METTL21C: variants seen among roughly 807,000 people sequenced by gnomAD.
The protein encoded by METTL21C is methyltransferase 21C, AARS1 lysine, also known as protein-lysine methyltransferase METTL21C.
Under a neutral mutation model 25.9 loss-of-function variants are expected in METTL21C, and 21 were observed. The observed-to-expected ratio is 0.81, with a 90% CI of 0.58 to 1.17. METTL21C has a LOEUF of 1.17. Ranked by LOEUF, METTL21C falls within the 50% of genes most tolerant of loss-of-function variation. The pLI, the probability that METTL21C is intolerant of heterozygous loss-of-function variation, is 0.00. For missense variants in METTL21C, 312 were observed against 315.1 expected (o/e 0.99, Z 0.07); for synonymous variants, 125 against 124.7 (o/e 1.00, Z -0.01).
Position 102,685,890 on chromosome 13 carries a change from G to C in METTL21C, c.*141C>G. 1.4e-6 allele frequency: 1 copy of C among 714,318 alleles called. No individual in the cohort carries two copies. Among genetic ancestry groups the C allele is most frequent in the Non-Finnish European group, 2.2e-6 (1 of 456,740 alleles). 44.2% of individuals were successfully genotyped at this position (714,318 alleles called of 1,614,324 possible). On this transcript the variant is annotated 3_prime_UTR_variant, in exon 4 of 4. Transcript: ENST00000267273. The stretch of plus-strand genomic sequence containing the variant: ...TCTTAGAAATTAGAAAGTTTCTGCA[G>C]TATTGTTACATTTGTTCCAAGTATA...
chr13:102,686,520 G>T, intron 3 of METTL21C, 95 bp from the exon 4 acceptor site: 1 of 1,414,564 alleles, frequency 7.1e-7, no homozygotes, highest in Non-Finnish European at 9.5e-7. Flanking sequence ...GGATTCCTTA[G>T]CCTTGGCTCT....
the METTL21C span, among the ~76,000 whole-genome samples, chr13:102,702,810 C>A: frequency 6.6e-6 from 1 of 151,892 alleles, no homozygotes; most frequent in Non-Finnish European, 1.5e-5. Context: ...AGCCTGGCCT[C>A]GAACTCCTGA....
chr13:102,702,118 C>T, the METTL21C span, among the ~76,000 whole-genome samples: 16,877 of 150,966 alleles, frequency 0.11, 2,844 homozygotes, highest in African/African-American at 0.37. Context: ...GAGCTGAGAT[C>T]GTGCCCTTGC....
intron 1 of METTL21C, among the ~76,000 whole-genome samples, chr13:102,692,135 A>ATGGGCTT (rs1885847520): frequency 6.6e-6 from 1 of 152,130 alleles, no homozygotes; most frequent in Admixed American, 6.5e-5. Flanking sequence ...GGGGTCAAAT[A>ATGGGCTT]TGGGCTTTGG....
chr13:102,697,355 T>C (rs1304154300), upstream of METTL21C, among the ~76,000 whole-genome samples: 2 of 151,708 alleles, frequency 1.3e-5, no homozygotes, highest in Non-Finnish European at 2.9e-5. Context: ...CAATAGGGGG[T>C]GGGATGCTCC....
At chr13:102,701,683 C>T in the METTL21C span, among the ~76,000 whole-genome samples, 3 of 152,050 alleles carry the variant, frequency 2.0e-5, no homozygotes, top group Non-Finnish European at 4.4e-5. Context: ...AATGATTATT[C>T]TACGAGCATG....
the METTL21C span, among the ~76,000 whole-genome samples, chr13:102,702,255 C>T: frequency 6.6e-6 from 1 of 150,754 alleles, no homozygotes; most frequent in African/African-American, 2.5e-5. Context: ...ACTTCATAAA[C>T]CTGACAACAT....
the METTL21C span, among the ~76,000 whole-genome samples, chr13:102,702,563 C>T: frequency 0.18 from 27,120 of 151,706 alleles, 3,647 homozygotes; most frequent in African/African-American, 0.37. Flanking sequence ...TTATCAACTG[C>T]GTGTAAGATC....
chr13:102,694,253 CA>C, intron 1 of METTL21C, 115 bp downstream of exon 1: 1 of 1,221,218 alleles, frequency 8.2e-7, no homozygotes, highest in African/African-American at 1.6e-5. Flanking sequence ...TTCATTATAG[CA>C]AAAAATCTAA....
In METTL21C at chr13:102,685,864, A is replaced by T; in HGVS notation, c.*167T>A. The T allele has an allele frequency of 1.7e-6, 1 of 585,704 alleles. No homozygotes were observed. The highest frequency in any genetic ancestry group is 3.7e-5 in the South Asian group (1 of 27,126). 36.3% of individuals were successfully genotyped at this position (585,704 alleles called of 1,614,324 possible). ...TAGATTAACCAGATAATCTTAAATTATCTTAGAAATTAGAAAGTTTCTGCA... is the reference window on the plus strand; with the variant it reads ...TAGATTAACCAGATAATCTTAAATTTTCTTAGAAATTAGAAAGTTTCTGCA... On this transcript the variant is annotated 3_prime_UTR_variant, in exon 4 of 4. Transcript: ENST00000267273.
intron 2 of METTL21C, among the ~76,000 whole-genome samples, chr13:102,689,301 A>C (rs144816344): frequency 6.6e-6 from 1 of 152,296 alleles, no homozygotes; most frequent in Non-Finnish European, 1.5e-5. Flanking sequence ...TTACAATAGG[A>C]AGCTGTGAGT....
chr13:102,702,745 C>A, the METTL21C span, among the ~76,000 whole-genome samples: 1 of 152,082 alleles, frequency 6.6e-6, no homozygotes, highest in Non-Finnish European at 1.5e-5. Context: ...CATGTGCCAA[C>A]ATGCCAGGCT....
chr13:102,692,570 TA>T (rs34498591), intron 1 of METTL21C, among the ~76,000 whole-genome samples: 64 of 149,980 alleles, frequency 4.3e-4, no homozygotes, highest in Middle Eastern at 3.4e-3. Context: ...TGCAGCACAC[TA>T]AAAAAAAAAT....
At chr13:102,688,761 A>G (rs571298879) in intron 2 of METTL21C, among the ~76,000 whole-genome samples, 57 of 152,348 alleles carry the variant, frequency 3.7e-4, no homozygotes, top group Non-Finnish European at 4.4e-5. Flanking sequence ...AGATGGCTGC[A>G]GGGGTCCTTC....
chr13:102,693,157 C>T (rs908703158), intron 1 of METTL21C, among the ~76,000 whole-genome samples: 23 of 150,096 alleles, frequency 1.5e-4, no homozygotes, highest in African/African-American at 5.8e-4. Context: ...CGTACAGACA[C>T]CACAGACACG....
At chr13:102,689,595 G>A (rs762353747) in intron 2 of METTL21C, among the ~76,000 whole-genome samples, 8 of 152,264 alleles carry the variant, frequency 5.3e-5, no homozygotes, top group East Asian at 1.9e-4. Context: ...ATCAGAATCC[G>A]CATTTTAACA....
chr13:102,686,289 GT>G lies in METTL21C; in HGVS notation c.536del (p.Asn179ThrfsTer13), dbSNP rs1464214036. ...CATAGTAAAAAGCTGACTTGGGAAA[GT>G]TTTTGTCCAGGTCTTCCCCCCATAC... Reference protein sequence around the residue: ...ELVWGEDLDKNFPKSAFYYDY... With the variant: ...ELVWGEDLDKXFPKSAFYYDY... On this transcript the variant is annotated frameshift_variant, in exon 4 of 4. Transcript: ENST00000267273. LOFTEE classifies it high-confidence loss of function. 6.2e-7 allele frequency: 1 copy of G among 1,614,082 alleles called. No homozygotes were observed. Among genetic ancestry groups the G allele is most frequent in the Non-Finnish European group, 8.5e-7 (1 of 1,180,044 alleles).
At chr13:102,690,655 C>T (rs1010715949) in intron 2 of METTL21C, among the ~76,000 whole-genome samples, 158 bp downstream of exon 2, 2 of 151,580 alleles carry the variant, frequency 1.3e-5, no homozygotes, top group African/African-American at 4.9e-5. Context: ...TTTTGCTGAT[C>T]CCAAGCACTC....
intron 1 of METTL21C, among the ~76,000 whole-genome samples, chr13:102,692,760 C>T (rs1333877584): frequency 6.6e-6 from 1 of 152,166 alleles, no homozygotes; most frequent in African/African-American, 2.4e-5. Flanking sequence ...CAAGACGCCT[C>T]TAATAAAGGT....
Sources: allele counts gnomAD v4.1 joint callset (sites outside exome capture counted in the v4.1 genomes callset), GRCh38; gene constraint gnomAD v4.1.1; transcripts MANE v1.5; gene names NCBI Gene and HGNC (gene_info 2026-07-23, HGNC 2026-07-21).